The following CHRNA2 variants were observed in gnomAD, a reference collection of about 807,000 sequenced individuals.
CHRNA2 encodes cholinergic receptor nicotinic alpha 2 subunit.
Under a neutral mutation model 45.5 loss-of-function variants are expected in CHRNA2, and 40 were observed. That is an observed-to-expected ratio of 0.88 (90% CI 0.68 to 1.15). CHRNA2 has a LOEUF of 1.15. CHRNA2 is among the 50% of genes most tolerant of loss of function. CHRNA2 has a pLI of 0.00. For synonymous variants in CHRNA2, 301 were observed against 296.7 expected (o/e 1.01, Z -0.15); for missense variants, 655 against 701.7 (o/e 0.93, Z 0.75).
Position 27,467,435 on chromosome 8 carries a change from G to T in CHRNA2, c.340-97C>A, listed in dbSNP as rs557478158. ...GGGATGCCCAGAATTGGGCCAAGCA[G>T]CCCCCTTGGAGCAGCCAGGGCTCCC... On this transcript the variant is annotated intron_variant, in intron 4 of 6. Transcript: ENST00000407991. 4.2e-6 allele frequency: 4 copies of T among 962,584 alleles called. No homozygotes were observed. The South Asian group carries it at 4.2e-5, about 10-fold the overall frequency. The allele number at this position is 962,584 out of a possible 1,614,324, so 59.6% of individuals were successfully genotyped here.
Position 27,463,576 on chromosome 8 carries a change from C to G in CHRNA2, c.867G>C (p.Leu289=), listed in dbSNP as rs1563318438. The G allele has an allele frequency of 2.5e-6, 4 of 1,614,150 alleles. No homozygotes were observed. The highest frequency in any genetic ancestry group is 3.4e-6 in the Non-Finnish European group (4 of 1,180,016). ...TGATCTTCTCGCCGCAGTCGGAGGG[C>G]AGGTAGAAGACCAGCACAGTGAGGC... The part of the protein sequence containing the change: ...ISCLTVLVFY[L]PSDCGEKITL... Residue 289 remains leucine (L), a synonymous_variant, in exon 6 of 7, where the codon CTG becomes CTC. Transcript: ENST00000407991. The surrounding 1 kb of genome is among the most constrained non-coding windows in gnomAD (Gnocchi z 6.1).
At position 27,467,130 on chromosome 8, in the gene CHRNA2, C is replaced by T. The variant is rs1040577486; in HGVS notation, c.449+99G>A. ...CTCAGCACAGCAGTCGAGAAGGAGG[C>T]GAGGAAGCTGACACCAGGGGGGCCC... On this transcript the variant is annotated intron_variant, in intron 5 of 6. Coordinates refer to ENST00000407991, the MANE Select transcript of CHRNA2 (RefSeq NM_000742.4). 36 of 819,118 alleles carry T rather than the reference C, an allele frequency of 4.4e-5. 1 individual carries two copies. The highest frequency in any genetic ancestry group is 2.3e-4 in the East Asian group (9 of 39,910). The allele number at this position is 819,118 out of a possible 1,614,324, so 50.7% of individuals were successfully genotyped here.
chr8:27,471,951 G>A (rs1275807341), intron 1 of CHRNA2, among the ~76,000 whole-genome samples: 1 of 152,150 alleles, frequency 6.6e-6, no homozygotes, highest in Non-Finnish European at 1.5e-5. Context: ...AACCTCCAGG[G>A]ACAGGAGAGG....
chr8:27,474,977 A>G (rs962573975), intron 1 of CHRNA2, among the ~76,000 whole-genome samples: 1 of 152,228 alleles, frequency 6.6e-6, no homozygotes, highest in Non-Finnish European at 1.5e-5. Flanking sequence ...CAGCTTTACC[A>G]TCTTGCTCTT....
intron 6 of CHRNA2, 32 bp downstream of exon 6, chr8:27,462,947 C>G: frequency 6.2e-7 from 1 of 1,613,714 alleles, no homozygotes; most frequent in Non-Finnish European, 8.5e-7. Flanking sequence ...GTGGGGCCAC[C>G]CAGGCTGGCG....
At chr8:27,473,987 G>C (rs978566313) in intron 1 of CHRNA2, among the ~76,000 whole-genome samples, 1 of 152,150 alleles carries the variant, frequency 6.6e-6, no homozygotes, top group Non-Finnish European at 1.5e-5. Flanking sequence ...ATCTGTGAAA[G>C]GTCACTCAAT....
rs1357751027 is a variant in CHRNA2, at chr8:27,463,591, C to T, written c.852G>A (p.Val284=). The T allele has an allele frequency of 1.2e-5, 19 of 1,614,052 alleles. No individual in the cohort carries two copies. The highest frequency in any genetic ancestry group is 1.4e-5 in the Non-Finnish European group (17 of 1,180,050). The part of the protein sequence containing the change: ...IPCLLISCLT[V]LVFYLPSDCG... ...AGTCGGAGGGCAGGTAGAAGACCAG[C>T]ACAGTGAGGCAGGAGATGAGCAGGC... The change falls in exon 6 of 7, where the codon GTG becomes GTA. Residue 284 remains valine, a synonymous_variant. Transcript: ENST00000407991. This position sits in a 1 kb window ranked among gnomAD's most constrained non-coding sequence, Gnocchi z 6.1.
chr8:27,464,104 C>G, intron 5 of CHRNA2, 111 bp from the exon 6 acceptor site: 1 of 1,246,474 alleles, frequency 8.0e-7, no homozygotes. Flanking sequence ...GACCCGGCCA[C>G]ACTGGCGGGG....
chr8:27,472,090 G>A (rs1291544080), intron 1 of CHRNA2, among the ~76,000 whole-genome samples: 1 of 152,238 alleles, frequency 6.6e-6, no homozygotes, highest in Non-Finnish European at 1.5e-5. Flanking sequence ...GGAGGTTCCT[G>A]AGGGGTGATG....
In CHRNA2 at chr8:27,463,575, G is replaced by T. The variant is rs1563318429; in HGVS notation, c.868C>A (p.Pro290Thr). Residue 290 changes from proline (P) to threonine (T), a missense_variant, in exon 6 of 7, where the codon CCC becomes ACC. By Grantham distance (38) the Pro-to-Thr change is conservative. This residue lies in a region of CHRNA2 where 37 missense variants were observed against 66.8 expected (regional missense o/e 0.55). Transcript: ENST00000407991. This position sits in a 1 kb window ranked among gnomAD's most constrained non-coding sequence, Gnocchi z 6.1. ...GTGATCTTCTCGCCGCAGTCGGAGG[G>T]CAGGTAGAAGACCAGCACAGTGAGG... ...SCLTVLVFYL[P>T]SDCGEKITLC... 6.2e-7 allele frequency: 1 copy of T among 1,614,238 alleles called. No individual in the cohort carries two copies. Among genetic ancestry groups the T allele is most frequent in the Non-Finnish European group, 8.5e-7 (1 of 1,180,044 alleles).
intron 3 of CHRNA2, 50 bp downstream of exon 3, chr8:27,469,711 G>A (rs374208928): frequency 3.1e-6 from 5 of 1,600,198 alleles, no homozygotes; most frequent in African/African-American, 2.7e-5. Flanking sequence ...GAAAGCGGTG[G>A]GTGGTCTGGG....
chr8:27,467,792 G>T (rs1338238634), intron 4 of CHRNA2, among the ~76,000 whole-genome samples: 3 of 152,196 alleles, frequency 2.0e-5, no homozygotes, highest in African/African-American at 7.2e-5. Flanking sequence ...TGAGCAAACT[G>T]AGGACCCAGA....
chr8:27,477,446 A>G (rs73679206), intron 1 of CHRNA2, among the ~76,000 whole-genome samples: 6,889 of 152,204 alleles, frequency 0.045, 485 homozygotes, highest in African/African-American at 0.15. Context: ...TGAGAATAGG[A>G]ATCCAAGCAT....
At chr8:27,470,965 T>C (rs560688759) in intron 2 of CHRNA2, 21 bp downstream of exon 2, 77 of 1,611,366 alleles carry the variant, frequency 4.8e-5, no homozygotes, top group Non-Finnish European at 6.3e-5. Flanking sequence ...AGTCTTACAA[T>C]GACAGGTGAC....
chr8:27,462,714 C>T (rs1267073100), intron 6 of CHRNA2, among the ~76,000 whole-genome samples: 1 of 152,240 alleles, frequency 6.6e-6, no homozygotes, highest in Non-Finnish European at 1.5e-5. Context: ...GGGATCCTCC[C>T]TCTCCGGCTC....
At chr8:27,471,236 T>A in intron 1 of CHRNA2, 42 bp from the exon 2 acceptor site, 1 of 623,620 alleles carries the variant, frequency 1.6e-6, no homozygotes, top group African/African-American at 1.8e-5. Context: ...CATGCATCCT[T>A]GACATAGGCA....
intron 1 of CHRNA2, among the ~76,000 whole-genome samples, chr8:27,473,171 T>C (rs1173783945): frequency 1.3e-5 from 2 of 152,130 alleles, no homozygotes; most frequent in Non-Finnish European, 2.9e-5. Flanking sequence ...GAGAAGAGCA[T>C]GGCCTCATGT....
At chr8:27,464,787 A>G (rs1218727987) in intron 5 of CHRNA2, among the ~76,000 whole-genome samples, 2 of 152,102 alleles carry the variant, frequency 1.3e-5, no homozygotes, top group Non-Finnish European at 2.9e-5. Flanking sequence ...TCCATTTAAC[A>G]TGCGTTTTTG....
At chr8:27,468,939 G>A (rs138123020) in intron 4 of CHRNA2, among the ~76,000 whole-genome samples, 65 of 152,320 alleles carry the variant, frequency 4.3e-4, no homozygotes, top group African/African-American at 1.4e-3. Flanking sequence ...CCTGGGACTC[G>A]GAGTCAGGCA....
Sources: allele counts gnomAD v4.1 joint callset (sites outside exome capture counted in the v4.1 genomes callset), GRCh38; gene constraint gnomAD v4.1.1; regional missense constraint gnomAD v4.1.1; non-coding constraint Gnocchi (gnomAD v3.1); transcripts MANE v1.5; gene names NCBI Gene and HGNC (gene_info 2026-07-23, HGNC 2026-07-21).